Variants in POMT1 observed in about 807,000 individuals in gnomAD.
POMT1 encodes protein O-mannosyltransferase 1.
In POMT1, 85 loss-of-function variants were observed where a neutral mutation model predicts 101.6. The ratio of observed to expected loss-of-function variants is 0.84; its 90% CI spans 0.70 to 1.00. The LOEUF is 1.00. Ranked by LOEUF, POMT1 falls within the 50% of genes least tolerant of loss-of-function variation. The pLI, the probability that POMT1 is intolerant of heterozygous loss-of-function variation, is 0.00. For missense variants in POMT1, 857 were observed against 930.4 expected (o/e 0.92, Z 1.03); for synonymous variants, 371 against 383.0 (o/e 0.97, Z 0.37).
Position 131,523,563 on chromosome 9 carries a change from A to G in POMT1, c.*457A>G. 1 of 262,156 alleles carries G rather than the reference A, an allele frequency of 3.8e-6. No individual in the cohort carries two copies. The highest frequency in any genetic ancestry group is 9.6e-5 in the East Asian group (1 of 10,396). 16.2% of individuals were successfully genotyped at this position (262,156 alleles called of 1,614,324 possible). A position where few individuals can be genotyped will look rare whatever the true frequency, so the allele number is the denominator to read the frequency against. ...CAGCGAGCCCGGCAGGCGTCCTGGG[A>G]CAGCTCAGTGTTGGAGGGCCACCTG... On this transcript the variant is annotated 3_prime_UTR_variant, in exon 20 of 20. Coordinates refer to ENST00000402686, the MANE Select transcript of POMT1 (RefSeq NM_001077365.2).
At chr9:131,513,149 C>T in intron 11 of POMT1, 90 bp from the exon 12 acceptor site, 2 of 1,108,036 alleles carry the variant, frequency 1.8e-6, no homozygotes, top group Non-Finnish European at 2.7e-6. Context: ...CAGTCTCAGC[C>T]ATGAGAATTC....
In POMT1 at chr9:131,509,913, A is replaced by C. The variant is rs960422223; in HGVS notation, c.616A>C (p.Met206Leu). Residue 206 changes from methionine to leucine, a missense_variant, in exon 8 of 20, where the codon ATG (methionine) becomes CTG (leucine). Met to Leu is a conservative substitution (Grantham distance 15, BLOSUM62 2). Transcript: ENST00000402686. ...GTCATGTCTTTGCAGCATCAAGTAC[A>C]TGGGTGTGTTCACGTACGTGCTCGT... ...ACSCAVGIKY[M>L]GVFTYVLVLG... The C allele has an allele frequency of 6.2e-7, 1 of 1,614,192 alleles. No homozygotes were observed. The highest frequency in any genetic ancestry group is 8.5e-7 in the Non-Finnish European group (1 of 1,180,044).
intron 17 of POMT1, 96 bp downstream of exon 17, chr9:131,520,289 TG>T (rs1378165360): frequency 2.7e-6 from 3 of 1,123,886 alleles, no homozygotes; most frequent in Non-Finnish European, 4.0e-6. Context: ...TAGAAAGTGC[TG>T]GGTTTCTCCC....
rs1275562624 is a variant in POMT1 at position 131,523,383 on chromosome 9, T to TCA, written c.*277_*278insCA. The TCA allele has an allele frequency of 6.3e-4, 301 of 477,728 alleles. 2 individuals carry two copies. Among genetic ancestry groups the TCA allele is most frequent in the African/African-American group, 5.4e-3 (275 of 51,010 alleles). 29.6% of individuals were successfully genotyped at this position (477,728 alleles called of 1,614,324 possible). On this transcript the variant is annotated 3_prime_UTR_variant, in exon 20 of 20. Coordinates refer to ENST00000402686, the MANE Select transcript of POMT1 (RefSeq NM_001077365.2). Reference sequence around the variant, plus strand: ...ATTTCAGAGGCCAGCGTAGGAGTCATTGACAACAAAAAGCCGAGAACCCAG... The same window carrying TCA: ...ATTTCAGAGGCCAGCGTAGGAGTCATCATGACAACAAAAAGCCGAGAACCCAG...
intron 2 of POMT1, 28 bp downstream of exon 2, chr9:131,504,368 T>C: frequency 6.2e-7 from 1 of 1,614,044 alleles, no homozygotes; most frequent in Non-Finnish European, 8.5e-7. Context: ...ATTCCCAGGG[T>C]GAATCTAGAA....
intron 2 of POMT1, 81 bp from the exon 3 acceptor site, chr9:131,506,033 C>T: frequency 1.3e-6 from 2 of 1,579,546 alleles, no homozygotes; most frequent in Non-Finnish European, 1.7e-6. Context: ...TTTGGAAACA[C>T]ATACACATTT....
chr9:131,514,900 G>C (rs1174128615), intron 12 of POMT1, among the ~76,000 whole-genome samples: 2 of 152,232 alleles, frequency 1.3e-5, no homozygotes, highest in Non-Finnish European at 2.9e-5. Context: ...AGATTGCAGT[G>C]AGCTGAGATC....
In POMT1 at chr9:131,522,254, C is replaced by T. The variant is rs748912092; in HGVS notation, c.2003+30C>T. The T allele has an allele frequency of 6.2e-7, 1 of 1,610,614 alleles. No individual in the cohort carries two copies. Among genetic ancestry groups the T allele is most frequent in the South Asian group, 1.1e-5 (1 of 91,082 alleles). On this transcript the variant is annotated intron_variant, in intron 19 of 19. Transcript: ENST00000402686. The surrounding 1 kb of genome is among the most constrained non-coding windows in gnomAD (Gnocchi z 5.5). ...GGGGGCTGCGGAGACAGTGGCTGGA[C>T]CGGGCAGCAGCCCTCTGCTGGGAAG...
rs1289335417 is a variant in POMT1, at chr9:131,507,400, C to T, written c.313C>T (p.Arg105Cys). Residue 105 changes from arginine (R) to cysteine (C), a missense_variant, in exon 5 of 20, where the codon CGC (arginine) becomes TGC (cysteine). Arg to Cys is a radical substitution (Grantham distance 180). Coordinates refer to ENST00000402686, the MANE Select transcript of POMT1 (RefSeq NM_001077365.2). The stretch of plus-strand genomic sequence containing the variant: ...TAGCAACGTGCCTGTGTGGTCCCTG[C>T]GCCTGCTGCCAGCACTCGCGGGGGC... ...YSSNVPVWSL[R>C]LLPALAGALS... 15 of 1,614,208 alleles carry T rather than the reference C, an allele frequency of 9.3e-6. No homozygotes were observed. The highest frequency in any genetic ancestry group is 1.6e-4 in the Middle Eastern group (1 of 6,062).
intron 2 of POMT1, among the ~76,000 whole-genome samples, chr9:131,505,004 C>T (rs1945466418): frequency 6.6e-6 from 1 of 152,136 alleles, no homozygotes; most frequent in African/African-American, 2.4e-5. Flanking sequence ...TATTGAACTC[C>T]TGACCTCATG....
chr9:131,515,474 C>T lies in POMT1; in HGVS notation c.1224C>T (p.Cys408=), dbSNP rs1392371349. The change falls in exon 13 of 20, where the codon TGC becomes TGT. Residue 408 remains cysteine, a synonymous_variant. Transcript: ENST00000402686. ...PLSPHSQEVS[C]YIDYNISMPA... is the part of the protein sequence containing the mutation. ...GCCCCCATTCACAGGAGGTCTCCTG[C>T]TACATTGACTATAACATCTCCATGC... is the stretch of plus-strand genomic sequence containing the variant. The T allele has an allele frequency of 1.2e-6, 2 of 1,614,232 alleles. No individual in the cohort carries two copies. The highest frequency in any genetic ancestry group is 1.7e-5 in the Admixed American group (1 of 60,028).
At chr9:131,514,952 A>G (rs578199769) in intron 12 of POMT1, among the ~76,000 whole-genome samples, 1 of 152,256 alleles carries the variant, frequency 6.6e-6, no homozygotes, top group East Asian at 1.9e-4. Flanking sequence ...GTGAGACTCC[A>G]TCTCAAAACA....
At chr9:131,514,236 C>G (rs1947789976) in intron 12 of POMT1, among the ~76,000 whole-genome samples, 1 of 152,218 alleles carries the variant, frequency 6.6e-6, no homozygotes, top group Non-Finnish European at 1.5e-5. Context: ...GTGCACAACC[C>G]ACTTGCGTTG....
intron 17 of POMT1, chr9:131,521,044 C>T (rs1223937370): frequency 9.7e-6 from 4 of 413,770 alleles, no homozygotes; most frequent in Admixed American, 7.1e-5. Flanking sequence ...GGTTTCGCCA[C>T]GTTGGGCAGG....
At chr9:131,517,723 C>T (rs960633913) in intron 13 of POMT1, among the ~76,000 whole-genome samples, 4 of 152,240 alleles carry the variant, frequency 2.6e-5, no homozygotes, top group Admixed American at 2.6e-4. Flanking sequence ...CTCACGGGCA[C>T]CCTTCTCTGT....
chr9:131,511,814 T>C, intron 10 of POMT1: 1 of 595,156 alleles, frequency 1.7e-6, no homozygotes, highest in South Asian at 2.0e-5. Context: ...GCAGAAACTT[T>C]AGGAGAAAGG....
In POMT1 at chr9:131,522,486, G is replaced by C; in HGVS notation, c.2003+262G>C. ...GGGAGGGGATGAAGAGATGTGGGTGGCCTGGAGGATTCGGGAGCAGGGAGC... is the reference window on the plus strand; with the variant it reads ...GGGAGGGGATGAAGAGATGTGGGTGCCCTGGAGGATTCGGGAGCAGGGAGC... On this transcript the variant is annotated intron_variant, in intron 19 of 19. Transcript: ENST00000402686. The surrounding 1 kb of genome is among the most constrained non-coding windows in gnomAD (Gnocchi z 5.5). The C allele has an allele frequency of 1.5e-6, 1 of 681,828 alleles. No individual in the cohort carries two copies. Among genetic ancestry groups the C allele is most frequent in the Non-Finnish European group, 2.4e-6 (1 of 419,742 alleles). 42.2% of individuals were successfully genotyped at this position (681,828 alleles called of 1,614,324 possible).
rs188684435 is a variant in POMT1, at chr9:131,523,319, T to C, written c.*213T>C. ...GTTAATTTTTTCTCGACAATAAAGA[T>C]ATTCCGTGTCTTTACCCCTGAACTA... On this transcript the variant is annotated 3_prime_UTR_variant, in exon 20 of 20. Coordinates refer to ENST00000402686, the MANE Select transcript of POMT1 (RefSeq NM_001077365.2). 2 of 625,304 alleles carry C rather than the reference T, an allele frequency of 3.2e-6. No individual in the cohort carries two copies. The highest frequency in any genetic ancestry group is 5.7e-5 in the East Asian group (2 of 35,244). The allele number at this position is 625,304 out of a possible 1,614,324, so 38.7% of individuals were successfully genotyped here.
intron 13 of POMT1, chr9:131,518,174 A>T: frequency 2.0e-6 from 1 of 507,046 alleles, no homozygotes; most frequent in South Asian, 1.9e-5. Context: ...GGCACGAAGA[A>T]CATCAGGCTT....
Sources: allele counts gnomAD v4.1 joint callset (sites outside exome capture counted in the v4.1 genomes callset), GRCh38; gene constraint gnomAD v4.1.1; non-coding constraint Gnocchi (gnomAD v3.1); transcripts MANE v1.5; gene names NCBI Gene and HGNC (gene_info 2026-07-23, HGNC 2026-07-21).